RTN1: variants seen among roughly 807,000 people sequenced by gnomAD.
RTN1 encodes the protein reticulon-1.
RTN1 carries 25 observed loss-of-function variants against 65.5 expected under a neutral mutation model. The ratio of observed to expected loss-of-function variants is 0.38; its 90% CI spans 0.28 to 0.53. RTN1 has a LOEUF of 0.53. Among genes scored for constraint, RTN1 ranks in the 20% least tolerant of loss-of-function variants. The probability of loss-of-function intolerance (pLI) is 0.79; values close to 1 mark genes in which losing one functional copy is unlikely to be tolerated. For synonymous variants in RTN1, 471 were observed against 447.6 expected (o/e 1.05, Z -0.66); for missense variants, 983 against 1,025.4 (o/e 0.96, Z 0.57).
At chr14:59,840,738 A>G (rs991339281) in intron 1 of RTN1, among the ~76,000 whole-genome samples, 3 of 152,160 alleles carry the variant, frequency 2.0e-5, no homozygotes, top group African/African-American at 7.2e-5. Flanking sequence ...GAACCTTAGC[A>G]ATAATATTTT....
In RTN1 at chr14:59,727,257, G is replaced by T. The variant is rs1361371885; in HGVS notation, c.1427C>A (p.Ala476Asp). ...LIIESCDASS[A>D]SEESPKREQD... is the part of the protein sequence containing the mutation. ...CTCCCGCTTGGGGCTCTCCTCCGAG[G>T]CCGAGGAGGCGTCGCACGACTCGAT... Residue 476 changes from alanine (A) to aspartate (D), a missense_variant, in exon 3 of 9, where the codon GCC becomes GAC. By Grantham distance (126) the Ala-to-Asp change is moderately radical. Coordinates refer to ENST00000267484, the MANE Select transcript of RTN1 (RefSeq NM_021136.3). The surrounding 1 kb of genome is among the most constrained non-coding windows in gnomAD (Gnocchi z 4.2). The T allele has an allele frequency of 1.3e-6, 2 of 1,521,852 alleles. No homozygotes were observed. The highest frequency in any genetic ancestry group is 1.8e-6 in the Non-Finnish European group (2 of 1,134,504). 94.3% of individuals were successfully genotyped at this position (1,521,852 alleles called of 1,614,324 possible). A position where few individuals can be genotyped will look rare whatever the true frequency, so the allele number is the denominator to read the frequency against.
At chr14:59,824,223 TTAAG>T (rs1392040052) in intron 1 of RTN1, among the ~76,000 whole-genome samples, 13 of 152,256 alleles carry the variant, frequency 8.5e-5, no homozygotes, top group African/African-American at 1.2e-4. Flanking sequence ...AGTACTCCTA[TTAAG>T]TTTTATGTAT....
At chr14:59,660,164 T>C (rs1032590422) in intron 3 of RTN1, among the ~76,000 whole-genome samples, 1 of 152,020 alleles carries the variant, frequency 6.6e-6, no homozygotes, top group South Asian at 2.1e-4. Context: ...TAATGGTAAA[T>C]GGATCAATGC....
intron 3 of RTN1, among the ~76,000 whole-genome samples, chr14:59,679,460 T>C (rs567769192): frequency 6.6e-6 from 1 of 152,332 alleles, no homozygotes; most frequent in Non-Finnish European, 1.5e-5. Flanking sequence ...GAGGTCTTTA[T>C]TTCTTCTCTA....
intron 1 of RTN1, among the ~76,000 whole-genome samples, chr14:59,775,831 C>G (rs1886040172): frequency 6.6e-6 from 1 of 152,148 alleles, no homozygotes; most frequent in Admixed American, 6.5e-5. Flanking sequence ...ATCACTCTTT[C>G]ATACAGCAGA....
At chr14:59,661,168 C>G (rs1389483080) in intron 3 of RTN1, among the ~76,000 whole-genome samples, 1 of 151,424 alleles carries the variant, frequency 6.6e-6, no homozygotes, top group African/African-American at 2.4e-5. Context: ...GACACATACA[C>G]CCTCCCAAGG....
intron 3 of RTN1, among the ~76,000 whole-genome samples, chr14:59,685,279 T>A (rs540558290): frequency 3.8e-4 from 58 of 152,276 alleles, no homozygotes; most frequent in African/African-American, 1.3e-3. Context: ...ACCACTCTTG[T>A]CACTTCTGTT....
intron 1 of RTN1, among the ~76,000 whole-genome samples, chr14:59,820,237 G>GA (rs1304700945): frequency 1.1e-4 from 16 of 141,252 alleles, no homozygotes; most frequent in Admixed American, 1.1e-3. Flanking sequence ...TTTTAATGGG[G>GA]TTTTTTTTTT....
In RTN1 at chr14:59,827,414, G is replaced by C. The variant is rs568150093; in HGVS notation, c.241+42976C>G. Among the ~76,000 whole-genome samples, 3 of 151,980 alleles carry C rather than the reference G, an allele frequency of 2.0e-5. No individual in the cohort carries two copies. In the East Asian group the frequency reaches 5.8e-4, roughly 29 times the overall value. ...TTACTGCAGTTTTTTTCTTTGCATC[G>C]CTTGGGTTCATTTTCTCACTGGGTT... is the stretch of plus-strand genomic sequence containing the variant. On this transcript the variant is annotated intron_variant, in intron 1 of 8. Coordinates refer to ENST00000267484, the MANE Select transcript of RTN1 (RefSeq NM_021136.3).
At chr14:59,738,507 G>T (rs896253996) in intron 2 of RTN1, among the ~76,000 whole-genome samples, 1 of 152,152 alleles carries the variant, frequency 6.6e-6, no homozygotes. Flanking sequence ...AACAACAAAT[G>T]CTGGCAAGGT....
intron 1 of RTN1, among the ~76,000 whole-genome samples, chr14:59,802,804 A>C (rs1289239513): frequency 6.6e-6 from 1 of 152,222 alleles, no homozygotes; most frequent in Non-Finnish European, 1.5e-5. Context: ...AACTAATTTT[A>C]ATTGTAAACA....
At chr14:59,697,897 T>C (rs553497653) in intron 3 of RTN1, among the ~76,000 whole-genome samples, 89 of 152,206 alleles carry the variant, frequency 5.8e-4, no homozygotes, top group African/African-American at 2.1e-3. Flanking sequence ...CTCAAAAAGA[T>C]GTACTGTTTA....
intron 3 of RTN1, among the ~76,000 whole-genome samples, chr14:59,660,070 A>G (rs1883212459): frequency 6.6e-6 from 1 of 152,194 alleles, no homozygotes; most frequent in African/African-American, 2.4e-5. Flanking sequence ...TGGAAAGCAA[A>G]ACAAGCAAGG....
intron 1 of RTN1, among the ~76,000 whole-genome samples, chr14:59,841,846 G>A (rs1056923224): frequency 3.9e-5 from 6 of 152,176 alleles, no homozygotes; most frequent in African/African-American, 1.4e-4. Context: ...AGAAAGCAAG[G>A]CCAGGGGCAG....
At chr14:59,671,483 C>T (rs1472858868) in intron 3 of RTN1, among the ~76,000 whole-genome samples, 2 of 152,142 alleles carry the variant, frequency 1.3e-5, no homozygotes, top group African/African-American at 4.8e-5. Flanking sequence ...TTAACATATA[C>T]CAAATGATAG....
rs534533563 is a variant in RTN1, at chr14:59,673,689, G to A, written c.1765+53230C>T. 2.0e-5 allele frequency among the ~76,000 whole-genome samples: 3 copies of A among 152,216 alleles called. No individual in the cohort carries two copies. The South Asian group carries it at 6.2e-4, about 32-fold the overall frequency. ...ACTGGTTAAAAGGCATCATCCAGAA[G>A]GAACCAACAGAGAGAGAGGAGGGTA... is the stretch of plus-strand genomic sequence containing the variant. On this transcript the variant is annotated intron_variant, in intron 3 of 8. Coordinates refer to ENST00000267484, the MANE Select transcript of RTN1 (RefSeq NM_021136.3).
At position 59,868,571 on chromosome 14, in the gene RTN1, G is replaced by A. The variant is rs913678878; in HGVS notation, c.241+1819C>T. Among the ~76,000 whole-genome samples, 1 of 152,032 alleles carries A rather than the reference G, an allele frequency of 6.6e-6. No individual in the cohort carries two copies. Among genetic ancestry groups the A allele is most frequent in the Non-Finnish European group, 1.5e-5 (1 of 67,988 alleles). ...TAAACGCTTTTACCACAAAAAAAAA[G>A]TACATGAGATGATGGATTTGTTAGC... On this transcript the variant is annotated intron_variant, in intron 1 of 8. Transcript: ENST00000267484. This position sits in a 1 kb window ranked among gnomAD's most constrained non-coding sequence, Gnocchi z 4.0.
intron 3 of RTN1, among the ~76,000 whole-genome samples, chr14:59,613,313 T>C (rs1353789211): frequency 6.6e-6 from 1 of 152,204 alleles, no homozygotes; most frequent in Non-Finnish European, 1.5e-5. Flanking sequence ...ATTTATTATT[T>C]TTTGACATGG....
rs1339358778 is a variant in RTN1 at position 59,849,069 on chromosome 14, C to A, written c.241+21321G>T. Among the ~76,000 whole-genome samples the A allele has an allele frequency of 6.6e-6, 1 of 152,196 alleles. No individual in the cohort carries two copies. Among genetic ancestry groups the A allele is most frequent in the African/African-American group, 2.4e-5 (1 of 41,444 alleles). ...TTAGCAGGAAGTTGCTGGAAGACTC[C>A]TTTTCTATATGTAGTTTATGGCCTT... On this transcript the variant is annotated intron_variant, in intron 1 of 8. Coordinates refer to ENST00000267484, the MANE Select transcript of RTN1 (RefSeq NM_021136.3). The surrounding 1 kb of genome is among the most constrained non-coding windows in gnomAD (Gnocchi z 4.5).
Sources: gnomAD v4.1 joint callset for allele counts (sites outside exome capture counted in the v4.1 genomes callset) on GRCh38, gnomAD v4.1.1 for gene constraint, Gnocchi (gnomAD v3.1) non-coding constraint, MANE v1.5 for transcripts, NCBI Gene and HGNC (gene_info 2026-07-23, HGNC 2026-07-21) for gene names.